ZFHX3: variants seen among roughly 807,000 people sequenced by gnomAD.
The protein encoded by ZFHX3 is zinc finger homeobox protein 3.
In ZFHX3, 42 loss-of-function variants were observed where a neutral mutation model predicts 279.1. The observed-to-expected ratio is 0.15, with a 90% CI of 0.12 to 0.19. The LOEUF is 0.19. ZFHX3 is among the 10% of genes least tolerant of loss of function. The pLI is 1.00. For synonymous variants in ZFHX3, 2,293 were observed against 1,957.8 expected (o/e 1.17, Z -4.52); for missense variants, 4,981 against 4,754.0 (o/e 1.05, Z -1.40).
chr16:72,912,530 TA>T (rs2039344562), intron 3 of ZFHX3, among the ~76,000 whole-genome samples: 1 of 152,064 alleles, frequency 6.6e-6, no homozygotes, highest in African/African-American at 2.4e-5. Flanking sequence ...TTCTAAGGCG[TA>T]TGATCAGAAT....
chr16:73,336,743 A>T (rs1033714669), intron 3 of ZFHX3, among the ~76,000 whole-genome samples: 1 of 152,098 alleles, frequency 6.6e-6, no homozygotes, highest in African/African-American at 2.4e-5. Context: ...CCTCTTAACA[A>T]TTCTGGGTTC....
intron 5 of ZFHX3, among the ~76,000 whole-genome samples, chr16:73,149,654 C>A (rs990983719): frequency 2.8e-4 from 42 of 152,192 alleles, no homozygotes; most frequent in African/African-American, 9.9e-4. Context: ...TCCTACTACT[C>A]CGTCTCTGAC....
At chr16:73,254,525 G>A (rs1277120561) in intron 5 of ZFHX3, among the ~76,000 whole-genome samples, 3 of 151,876 alleles carry the variant, frequency 2.0e-5, no homozygotes, top group Non-Finnish European at 4.4e-5. Context: ...ATTCTTTTTT[G>A]AAATAATGAT....
intron 3 of ZFHX3, among the ~76,000 whole-genome samples, chr16:73,403,681 G>T (rs1414013853): frequency 6.6e-6 from 1 of 152,190 alleles, no homozygotes; most frequent in African/African-American, 2.4e-5. Context: ...GGGCTGGAGG[G>T]AGCTGAGCAC....
intron 1 of ZFHX3, among the ~76,000 whole-genome samples, chr16:73,694,767 A>G (rs937628206): frequency 1.3e-5 from 2 of 152,240 alleles, no homozygotes; most frequent in East Asian, 3.8e-4. Context: ...ATGTCTCTCA[A>G]TGGCCATGGG....
At chr16:73,785,167 T>C (rs9928857) in intron 1 of ZFHX3, among the ~76,000 whole-genome samples, 17,403 of 152,220 alleles carry the variant, frequency 0.11, 3,319 homozygotes, top group African/African-American at 0.39. Flanking sequence ...TACAATACTA[T>C]TTGCTGTATA....
rs73602069 is a variant in ZFHX3, at chr16:73,785,616, T to A, written c.-1607-105376A>T. Reference sequence around the variant, plus strand: ...TTTTAGGTTTCCATCTTTATCGGTATAAAGGTGGGGTGGTGGGTGCAGGGT... The same window carrying A: ...TTTTAGGTTTCCATCTTTATCGGTAAAAAGGTGGGGTGGTGGGTGCAGGGT... On this transcript the variant is annotated intron_variant, in intron 1 of 17. Coordinates refer to the ZFHX3 transcript ENST00000641206. Among the ~76,000 whole-genome samples, 1,420 of 152,276 alleles carry A rather than the reference T, an allele frequency of 9.3e-3. 23 individuals are homozygous for A. Among genetic ancestry groups the A allele is most frequent in the African/African-American group, 0.032 (1,340 of 41,548 alleles).
intron 8 of ZFHX3, among the ~76,000 whole-genome samples, chr16:72,799,041 T>G (rs1276083772): frequency 6.6e-6 from 1 of 152,210 alleles, no homozygotes; most frequent in African/African-American, 2.4e-5. Flanking sequence ...AATCCTCAAT[T>G]TCTCAAGAGC....
intron 2 of ZFHX3, among the ~76,000 whole-genome samples, chr16:73,587,434 A>G (rs866166459): frequency 3.3e-5 from 5 of 152,242 alleles, no homozygotes; most frequent in Middle Eastern, 3.2e-3. Context: ...AAACATGACC[A>G]AAACCATAAC....
At chr16:73,823,479 T>C (rs1960810076) in intron 1 of ZFHX3, among the ~76,000 whole-genome samples, 1 of 152,200 alleles carries the variant, frequency 6.6e-6, no homozygotes, top group African/African-American at 2.4e-5. Flanking sequence ...GAACAGTGGC[T>C]GGAACCCCAA....
chr16:73,378,087 T>C (rs1408905659), intron 3 of ZFHX3, among the ~76,000 whole-genome samples: 2 of 139,260 alleles, frequency 1.4e-5, no homozygotes, highest in East Asian at 2.1e-4. Flanking sequence ...CACATACTTA[T>C]GTCCTTAGTT....
rs2017190893 is a variant in ZFHX3, at chr16:73,399,032, A to AG, written c.-1291+56970_-1291+56971insC. Among the ~76,000 whole-genome samples the AG allele has an allele frequency of 3.4e-5, 3 of 87,518 alleles. No individual in the cohort carries two copies. The South Asian group carries it at 1.0e-3, about 30-fold the overall frequency. The allele number at this position is 87,518 out of a possible 152,430, so 57.4% of individuals were successfully genotyped here. On this transcript the variant is annotated intron_variant, in intron 3 of 17. Coordinates refer to the ZFHX3 transcript ENST00000641206. The stretch of plus-strand genomic sequence containing the variant: ...GGCATGCACCACCATGCCCCCCGCT[A>AG]ATTTTTTTTTTTTTTTTGTATTTTT...
intron 5 of ZFHX3, among the ~76,000 whole-genome samples, chr16:73,197,540 C>A (rs1014135070): frequency 6.6e-6 from 1 of 152,168 alleles, no homozygotes; most frequent in African/African-American, 2.4e-5. Flanking sequence ...GTCAACTAAG[C>A]GGATAATTCA....
At chr16:73,233,140 C>G (rs1334393584) in intron 5 of ZFHX3, 2 of 138,504 alleles carry the variant, frequency 1.4e-5, no homozygotes, top group East Asian at 4.6e-4. Flanking sequence ...CGAGGCAAAT[C>G]AAGTCTGCAG....
intron 2 of ZFHX3, chr16:73,558,604 G>C (rs938369684): frequency 2.6e-5 from 4 of 152,178 alleles, no homozygotes; most frequent in Admixed American, 6.5e-5. Context: ...GGCAATGACG[G>C]CTGGAGGGAC....
At chr16:73,207,760 G>T (rs187265299) in intron 5 of ZFHX3, among the ~76,000 whole-genome samples, 3 of 152,148 alleles carry the variant, frequency 2.0e-5, no homozygotes, top group Non-Finnish European at 2.9e-5. Context: ...GGGCAGAGAG[G>T]AGAGGAAACA....
intron 2 of ZFHX3, among the ~76,000 whole-genome samples, chr16:73,547,051 C>A (rs2020127769): frequency 6.6e-6 from 1 of 151,812 alleles, no homozygotes; most frequent in South Asian, 2.1e-4. Context: ...TGAGAGGGGT[C>A]CTTTTCTTAC....
rs1437877650 is a variant in ZFHX3 at position 73,349,641 on chromosome 16, CCTCCCTCT to C, written c.-1290-31313_-1290-31306del. ...CCCTCCCTTCCTCCCTCCCTCCCTC[CCTCCCTCT>C]CTCCCTCCTTCCCTCTCTCCCTCCT... On this transcript the variant is annotated intron_variant, in intron 3 of 17. Coordinates refer to the ZFHX3 transcript ENST00000641206. Among the ~76,000 whole-genome samples the C allele has an allele frequency of 5.5e-5, 2 of 36,234 alleles. 1 individual carries two copies. The highest frequency in any genetic ancestry group is 1.5e-4 in the Non-Finnish European group (2 of 13,788). 23.8% of individuals were successfully genotyped at this position (36,234 alleles called of 152,430 possible). A position where few individuals can be genotyped will look rare whatever the true frequency, so the allele number is the denominator to read the frequency against.
At chr16:73,778,302 C>G (rs369689510) in intron 1 of ZFHX3, among the ~76,000 whole-genome samples, 1 of 135,984 alleles carries the variant, frequency 7.4e-6, no homozygotes, top group East Asian at 2.4e-4. Flanking sequence ...AGTCCTAAAT[C>G]TATTTTGATG....
Sources: allele counts gnomAD v4.1 joint callset (sites outside exome capture counted in the v4.1 genomes callset), GRCh38; gene constraint gnomAD v4.1.1; transcripts MANE v1.5; gene names NCBI Gene and HGNC (gene_info 2026-07-23, HGNC 2026-07-21).